The following ANKS1B variants were observed in gnomAD, a reference collection of about 807,000 sequenced individuals.
ANKS1B encodes ankyrin repeat and sterile alpha motif domain containing 1B.
Under a neutral mutation model 148.3 loss-of-function variants are expected in ANKS1B, and 36 were observed. That is an observed-to-expected ratio of 0.24 (90% CI 0.19 to 0.32). ANKS1B has a LOEUF of 0.32. Among genes scored for constraint, ANKS1B ranks in the 10% least tolerant of loss-of-function variants. ANKS1B has a pLI of 1.00. For missense variants in ANKS1B, 1,157 were observed against 1,542.6 expected, an observed-to-expected ratio of 0.75 and a Z score of 4.19; for synonymous variants, 542 against 560.8, an observed-to-expected ratio of 0.97 and a Z score of 0.47.
chr12:98,836,079 A>T (rs891454157), intron 17 of ANKS1B, among the ~76,000 whole-genome samples: 1 of 152,140 alleles, frequency 6.6e-6, no homozygotes, highest in Non-Finnish European at 1.5e-5. Flanking sequence ...CATGGCTAGG[A>T]TGTGCACCTG....
At chr12:99,951,505 T>C (rs2095220721) in intron 1 of ANKS1B, among the ~76,000 whole-genome samples, 2 of 152,182 alleles carry the variant, frequency 1.3e-5, no homozygotes, top group South Asian at 4.1e-4. Flanking sequence ...TTGGTTGGAT[T>C]TGGCTAGGGA....
intron 15 of ANKS1B, among the ~76,000 whole-genome samples, chr12:99,109,084 T>C (rs1353530227): frequency 3.3e-5 from 5 of 152,192 alleles, no homozygotes; most frequent in Admixed American, 1.3e-4. Context: ...CTCGCTCTGA[T>C]ACCTGCCCTC....
At chr12:99,673,423 A>G (rs1294116049) in intron 8 of ANKS1B, among the ~76,000 whole-genome samples, 3 of 152,052 alleles carry the variant, frequency 2.0e-5, no homozygotes, top group African/African-American at 7.2e-5. Context: ...CAGAAAACAA[A>G]GAAAATTTAA....
At chr12:99,802,364 A>C (rs1218133496) in intron 4 of ANKS1B, among the ~76,000 whole-genome samples, 1 of 152,130 alleles carries the variant, frequency 6.6e-6, no homozygotes, top group East Asian at 1.9e-4. Context: ...ATCAAGTTCA[A>C]AATTCATAAA....
intron 25 of ANKS1B, among the ~76,000 whole-genome samples, chr12:98,771,597 T>C (rs1383043861): frequency 6.6e-6 from 1 of 152,028 alleles, no homozygotes; most frequent in African/African-American, 2.4e-5. Context: ...CCTCACCCTC[T>C]CAGGTAGCTG....
intron 9 of ANKS1B, among the ~76,000 whole-genome samples, chr12:99,588,880 G>A (rs1041748959): frequency 6.6e-6 from 1 of 152,134 alleles, no homozygotes; most frequent in Non-Finnish European, 1.5e-5. Flanking sequence ...ATATTAAACT[G>A]ATATATTTTT....
At chr12:99,588,728 T>C (rs2097669376) in intron 9 of ANKS1B, among the ~76,000 whole-genome samples, 1 of 151,012 alleles carries the variant, frequency 6.6e-6, no homozygotes, top group South Asian at 2.1e-4. Flanking sequence ...AAGCATATCA[T>C]ACACTAATTA....
intron 9 of ANKS1B, among the ~76,000 whole-genome samples, chr12:99,506,758 T>C (rs1156418012): frequency 6.6e-6 from 1 of 152,002 alleles, no homozygotes; most frequent in Non-Finnish European, 1.5e-5. Context: ...TAATTTTCTA[T>C]GAATTAATGA....
intron 17 of ANKS1B, among the ~76,000 whole-genome samples, chr12:99,042,498 T>G (rs2099959720): frequency 6.6e-6 from 1 of 152,190 alleles, no homozygotes; most frequent in Non-Finnish European, 1.5e-5. Context: ...CCTAAATCGC[T>G]GACCCACAAA....
rs966395404 is a variant in ANKS1B at position 99,408,579 on chromosome 12, A to T, written c.1576-8768T>A. Among the ~76,000 whole-genome samples the T allele has an allele frequency of 4.8e-5, 7 of 145,876 alleles. 1 individual carries two copies. The highest frequency in any genetic ancestry group is 1.8e-4 in the African/African-American group (7 of 38,408). The stretch of plus-strand genomic sequence containing the variant: ...AGAGACCACCTAAAGAATGGGAGAA[A>T]ATATTTACAAGCTATCCATCTGACA... On this transcript the variant is annotated intron_variant, in intron 11 of 26. Coordinates refer to ENST00000683438, the MANE Select transcript of ANKS1B (RefSeq NM_001352186.2).
intron 12 of ANKS1B, among the ~76,000 whole-genome samples, chr12:99,395,059 T>C (rs763087092): frequency 1.5e-4 from 23 of 152,306 alleles, no homozygotes; most frequent in Admixed American, 2.6e-4. Context: ...TGAAATTCCA[T>C]TGGATCTGCC....
At chr12:99,442,603 C>T (rs926775982) in intron 11 of ANKS1B, among the ~76,000 whole-genome samples, 1 of 151,812 alleles carries the variant, frequency 6.6e-6, no homozygotes, top group Non-Finnish European at 1.5e-5. Context: ...ACAAATTGCA[C>T]TTGAATTGAT....
chr12:99,468,578 C>G (rs2096177594), intron 10 of ANKS1B, among the ~76,000 whole-genome samples: 1 of 152,070 alleles, frequency 6.6e-6, no homozygotes, highest in Non-Finnish European at 1.5e-5. Context: ...ACAATGAACT[C>G]AAACAAATTT....
At chr12:99,618,293 A>T (rs867462845) in intron 9 of ANKS1B, among the ~76,000 whole-genome samples, 1 of 152,230 alleles carries the variant, frequency 6.6e-6, no homozygotes, top group Non-Finnish European at 1.5e-5. Flanking sequence ...ATTATAGATG[A>T]CATAACCAAA....
At chr12:99,523,640 G>A (rs1303209182) in intron 9 of ANKS1B, among the ~76,000 whole-genome samples, 1 of 145,468 alleles carries the variant, frequency 6.9e-6, no homozygotes, top group Non-Finnish European at 1.5e-5. Context: ...TGCAAGCTCC[G>A]CCTCCTGGGT....
intron 12 of ANKS1B, among the ~76,000 whole-genome samples, chr12:99,381,989 G>A (rs770686785): frequency 7.9e-5 from 12 of 152,292 alleles, no homozygotes; most frequent in Non-Finnish European, 1.6e-4. Flanking sequence ...TAAAAAGTCA[G>A]TAAATGAGAA....
chr12:99,797,204 G>A (rs75328253), intron 4 of ANKS1B, among the ~76,000 whole-genome samples: 2,123 of 151,732 alleles, frequency 0.014, 57 homozygotes, highest in African/African-American at 0.049. Flanking sequence ...AAAAATTTAA[G>A]AATATTTTGC....
chr12:99,127,569 G>A (rs556797758), intron 15 of ANKS1B, among the ~76,000 whole-genome samples: 1 of 152,330 alleles, frequency 6.6e-6, no homozygotes, highest in East Asian at 1.9e-4. Context: ...ACCCTGAGAG[G>A]GTTGCCTTCA....
chr12:99,939,335 C>T (rs1300258959), intron 1 of ANKS1B, among the ~76,000 whole-genome samples: 1 of 152,116 alleles, frequency 6.6e-6, no homozygotes, highest in African/African-American at 2.4e-5. Context: ...AGCAATCCTC[C>T]CACCTCAGCC....
Sources: allele counts gnomAD v4.1 joint callset (sites outside exome capture counted in the v4.1 genomes callset), GRCh38; gene constraint gnomAD v4.1.1; transcripts MANE v1.5; gene names NCBI Gene and HGNC (gene_info 2026-07-23, HGNC 2026-07-21).